COL5A1: variants seen among roughly 807,000 people sequenced by gnomAD.
The protein encoded by COL5A1 is collagen type V alpha 1 chain.
Under a neutral mutation model 263.7 loss-of-function variants are expected in COL5A1, and 16 were observed. The ratio of observed to expected loss-of-function variants is 0.06; its 90% CI spans 0.04 to 0.09. COL5A1 has a LOEUF of 0.09. COL5A1 is among the 10% of genes least tolerant of loss of function. The probability of loss-of-function intolerance (pLI) is 1.00; values close to 1 mark genes in which losing one functional copy is unlikely to be tolerated. For missense variants in COL5A1, 2,036 were observed against 2,540.5 expected (o/e 0.80, Z 4.27); for synonymous variants, 1,012 against 1,004.5 (o/e 1.01, Z -0.14).
intron 43 of COL5A1, among the ~76,000 whole-genome samples, chr9:134,809,808 C>T (rs1451544654): frequency 6.6e-6 from 1 of 152,186 alleles, no homozygotes; most frequent in Non-Finnish European, 1.5e-5. Context: ...CTATTGATGA[C>T]CCCTCTCTGG....
At chr9:134,801,015 C>T (rs887262367) in intron 37 of COL5A1, among the ~76,000 whole-genome samples, 3 of 152,224 alleles carry the variant, frequency 2.0e-5, no homozygotes, top group Non-Finnish European at 4.4e-5. Context: ...TCGCTGGCAC[C>T]TGTCATGCTC....
At chr9:134,675,354 T>TA (rs34146115) in intron 1 of COL5A1, among the ~76,000 whole-genome samples, 6,745 of 151,942 alleles carry the variant, frequency 0.044, 347 homozygotes, top group African/African-American at 0.12. Flanking sequence ...ATTGGTCACT[T>TA]AAAAAAAAAT....
intron 29 of COL5A1, among the ~76,000 whole-genome samples, chr9:134,783,965 AGAG>A (rs1261358314): frequency 6.6e-6 from 1 of 152,180 alleles, no homozygotes; most frequent in African/African-American, 2.4e-5. Context: ...CAGCTTCAGA[AGAG>A]ATGACACACG....
chr9:134,709,159 G>T, intron 4 of COL5A1: 1 of 355,626 alleles, frequency 2.8e-6, no homozygotes, highest in Non-Finnish European at 5.6e-6. Context: ...CCATGATTCA[G>T]CCACTTCCCT....
intron 1 of COL5A1, among the ~76,000 whole-genome samples, chr9:134,676,061 G>A (rs1165615209): frequency 1.3e-5 from 2 of 150,084 alleles, no homozygotes; most frequent in Admixed American, 1.3e-4. Flanking sequence ...TTTTTTTTTT[G>A]TTAACAAAAT....
intron 65 of COL5A1, among the ~76,000 whole-genome samples, chr9:134,839,141 T>C (rs1839939258): frequency 6.6e-6 from 1 of 152,196 alleles, no homozygotes; most frequent in Admixed American, 6.5e-5. Context: ...AACGCGGGCA[T>C]CGTTTGGCTG....
intron 11 of COL5A1, among the ~76,000 whole-genome samples, chr9:134,745,269 T>C (rs1205381304): frequency 6.6e-6 from 1 of 152,122 alleles, no homozygotes; most frequent in Non-Finnish European, 1.5e-5. Context: ...GTACAGTTTG[T>C]GGAGAGAGAG....
At chr9:134,772,618 C>T (rs1391788970) in intron 25 of COL5A1, among the ~76,000 whole-genome samples, 172 bp from the exon 26 acceptor site, 4 of 152,218 alleles carry the variant, frequency 2.6e-5, no homozygotes, top group African/African-American at 9.6e-5. Context: ...TCGGGGAGGC[C>T]GGGCTGTGCT....
intron 28 of COL5A1, among the ~76,000 whole-genome samples, chr9:134,781,297 C>T (rs745692294): frequency 1.3e-5 from 2 of 152,266 alleles, no homozygotes; most frequent in Non-Finnish European, 2.9e-5. Context: ...TGTGCCATCT[C>T]GGCTCCTTCC....
At chr9:134,720,227 G>A (rs1057283789) in intron 4 of COL5A1, among the ~76,000 whole-genome samples, 1 of 152,260 alleles carries the variant, frequency 6.6e-6, no homozygotes, top group South Asian at 2.1e-4. Flanking sequence ...GTGCGTGCGC[G>A]TTGTGACCCA....
Position 134,681,645 on chromosome 9 carries a change from C to T in COL5A1, c.110-9267C>T, listed in dbSNP as rs1474209061. Among the ~76,000 whole-genome samples the T allele has an allele frequency of 6.6e-6, 1 of 152,186 alleles. No individual in the cohort carries two copies. The highest frequency in any genetic ancestry group is 1.5e-5 in the Non-Finnish European group (1 of 68,034). On this transcript the variant is annotated intron_variant, in intron 1 of 65. Transcript: ENST00000371817. The surrounding 1 kb of genome is among the most constrained non-coding windows in gnomAD (Gnocchi z 4.3). ...TGACTCCCTTGCAGCCCCAGCATGG[C>T]ACCAGCCTGCGAGTGACCATGCTCA...
intron 29 of COL5A1, 100 bp downstream of exon 29, chr9:134,782,820 G>A (rs543610459): frequency 1.4e-5 from 17 of 1,172,586 alleles, no homozygotes; most frequent in Middle Eastern, 4.1e-4. Flanking sequence ...CAGCTTCTCA[G>A]AATGGAGGTA....
chr9:134,835,244 C>T, intron 65 of COL5A1, 40 bp downstream of exon 65: 1 of 1,546,230 alleles, frequency 6.5e-7, no homozygotes, highest in Non-Finnish European at 8.9e-7. Context: ...CTGCTCACGC[C>T]TCCGTGGGGC....
At chr9:134,729,054 C>T (rs1768243720) in intron 6 of COL5A1, among the ~76,000 whole-genome samples, 1 of 152,240 alleles carries the variant, frequency 6.6e-6, no homozygotes, top group Non-Finnish European at 1.5e-5. Context: ...CTGCCAGCAT[C>T]TCTGGGCCCT....
At chr9:134,644,709 G>A (rs1831420661) in intron 1 of COL5A1, among the ~76,000 whole-genome samples, 1 of 152,174 alleles carries the variant, frequency 6.6e-6, no homozygotes, top group African/African-American at 2.4e-5. Flanking sequence ...GTGTGTGAAG[G>A]AATGAAAAGT....
chr9:134,804,908 G>T, intron 39 of COL5A1, 67 bp from the exon 40 acceptor site: 1 of 1,392,692 alleles, frequency 7.2e-7, no homozygotes, highest in Admixed American at 1.7e-5. Context: ...CCTTGGCTTC[G>T]CTCTGGGGCT....
At chr9:134,814,391 A>G (rs1437073960) in intron 49 of COL5A1, among the ~76,000 whole-genome samples, 4 of 152,170 alleles carry the variant, frequency 2.6e-5, no homozygotes, top group Admixed American at 2.6e-4. Flanking sequence ...AATGTTCACT[A>G]TGAGGCCAGC....
intron 53 of COL5A1, 41 bp downstream of exon 53, chr9:134,817,120 G>C: frequency 6.4e-7 from 1 of 1,574,704 alleles, no homozygotes; most frequent in Non-Finnish European, 8.7e-7. Flanking sequence ...TCAAATCCCT[G>C]CATGAAACAC....
Position 134,758,965 on chromosome 9 carries a change from A to G in COL5A1, c.1935+669A>G, listed in dbSNP as rs1836099019. Among the ~76,000 whole-genome samples, 2 of 152,158 alleles carry G rather than the reference A, an allele frequency of 1.3e-5. No individual in the cohort carries two copies. The highest frequency in any genetic ancestry group is 6.5e-5 in the Admixed American group (1 of 15,278). On this transcript the variant is annotated intron_variant, in intron 18 of 65. Transcript: ENST00000371817. The surrounding 1 kb of genome is among the most constrained non-coding windows in gnomAD (Gnocchi z 4.1). ...CTCAATAGACTGTGGTCTTCTTTCA[A>G]TAACAACGTGATAGAAAGCCTACAA...
Sources: gnomAD v4.1 joint callset for allele counts (sites outside exome capture counted in the v4.1 genomes callset) on GRCh38, gnomAD v4.1.1 for gene constraint, Gnocchi (gnomAD v3.1) non-coding constraint, MANE v1.5 for transcripts, NCBI Gene and HGNC (gene_info 2026-07-23, HGNC 2026-07-21) for gene names.